HECTD4: variants seen among roughly 807,000 people sequenced by gnomAD.
HECTD4 encodes HECT domain E3 ubiquitin protein ligase 4.
A neutral mutation model predicts 471.5 loss-of-function variants in HECTD4; 114 were observed. That is an observed-to-expected ratio of 0.24 (90% CI 0.21 to 0.28). The LOEUF is 0.28. Among genes scored for constraint, HECTD4 ranks in the 10% least tolerant of loss-of-function variants. The pLI is 1.00. For missense variants in HECTD4, 3,866 were observed against 5,651.5 expected, an observed-to-expected ratio of 0.68 and a Z score of 10.13; for synonymous variants, 2,012 against 2,256.0, an observed-to-expected ratio of 0.89 and a Z score of 3.07.
chr12:112,375,231 C>T (rs770170346), intron 1 of HECTD4, among the ~76,000 whole-genome samples: 1 of 152,184 alleles, frequency 6.6e-6, no homozygotes, highest in Non-Finnish European at 1.5e-5. Flanking sequence ...ACGGTTCATT[C>T]GTTTTTGTTG....
intron 45 of HECTD4, among the ~76,000 whole-genome samples, chr12:112,218,322 G>A (rs1340378479): frequency 2.6e-5 from 4 of 152,036 alleles, no homozygotes; most frequent in African/African-American, 9.7e-5. Flanking sequence ...AACCATTATC[G>A]TGATCTAATT....
At chr12:112,183,994 G>A (rs1397957338) in intron 61 of HECTD4, among the ~76,000 whole-genome samples, 193 bp downstream of exon 61, 3 of 152,182 alleles carry the variant, frequency 2.0e-5, no homozygotes, top group Non-Finnish European at 2.9e-5. Flanking sequence ...CCTTTACTTC[G>A]TGATATGGGA....
chr12:112,221,877 C>G (rs1434744400), intron 44 of HECTD4, among the ~76,000 whole-genome samples: 1 of 151,476 alleles, frequency 6.6e-6, no homozygotes, highest in Non-Finnish European at 1.5e-5. Flanking sequence ...GCCTCAGCCT[C>G]CTGAGTAGCT....
chr12:112,276,416 G>A (rs2034527909), intron 9 of HECTD4, among the ~76,000 whole-genome samples: 1 of 152,044 alleles, frequency 6.6e-6, no homozygotes, highest in Admixed American at 6.6e-5. Flanking sequence ...AAAGACTGAT[G>A]GTCAATAACA....
intron 66 of HECTD4, among the ~76,000 whole-genome samples, chr12:112,175,252 G>T (rs2031393876): frequency 6.6e-6 from 1 of 152,220 alleles, no homozygotes; most frequent in African/African-American, 2.4e-5. Flanking sequence ...CAGGTTAAAA[G>T]AGGTCATCAG....
chr12:112,185,119 C>T lies in HECTD4; in HGVS notation c.9847G>A (p.Ala3283Thr). 6.4e-7 allele frequency: 1 copy of T among 1,559,342 alleles called. No individual in the cohort carries two copies. ...MSVTASGVTS[A>T]TAPNLSDSSS... ...GAGTCACTGAGATTTGGGGCGGTCG[C>T]TGAGGTCACCCCACTGGCTGTGACA... Residue 3283 changes from alanine to threonine, a missense_variant, in exon 61 of 76, where the codon GCG becomes ACG. Around this residue, in one of 16 missense-constraint regions of HECTD4, gnomAD observed 38 missense variants for 72.1 expected, o/e 0.53. Transcript: ENST00000682272.
chr12:112,343,958 A>C (rs945506700), intron 1 of HECTD4, among the ~76,000 whole-genome samples: 9 of 152,240 alleles, frequency 5.9e-5, no homozygotes, highest in Non-Finnish European at 1.0e-4. Context: ...GTTTTTAAAA[A>C]GACAATACTG....
chr12:112,344,928 AAAGAGAAGAG>A (rs567949686), intron 1 of HECTD4, among the ~76,000 whole-genome samples: 9 of 151,934 alleles, frequency 5.9e-5, no homozygotes, highest in African/African-American at 1.7e-4. Flanking sequence ...CAAAAAAAGA[AAAGAGAAGAG>A]AAGAGAAGAG....
Position 112,213,985 on chromosome 12 carries a change from G to A in HECTD4, c.7466-1335C>T, listed in dbSNP as rs1799268845. Among the ~76,000 whole-genome samples, 1 of 151,652 alleles carries A rather than the reference G, an allele frequency of 6.6e-6. No homozygotes were observed. Among genetic ancestry groups the A allele is most frequent in the African/African-American group, 2.4e-5 (1 of 41,276 alleles). On this transcript the variant is annotated intron_variant, in intron 48 of 75. Coordinates refer to ENST00000682272, the MANE Select transcript of HECTD4 (RefSeq NM_001388303.1). The surrounding 1 kb of genome is among the most constrained non-coding windows in gnomAD (Gnocchi z 4.0). Reference sequence around the variant, plus strand: ...TGCAGTGAGCTGTGATTGCACCACTGCACTCTAGCCTGGGTGACAGAGTGA... The same window carrying A: ...TGCAGTGAGCTGTGATTGCACCACTACACTCTAGCCTGGGTGACAGAGTGA...
chr12:112,341,471 C>T (rs1459468290), intron 1 of HECTD4, among the ~76,000 whole-genome samples: 1 of 152,204 alleles, frequency 6.6e-6, no homozygotes, highest in East Asian at 1.9e-4. Context: ...CACTAAGTCC[C>T]TCTAAGAAAC....
intron 15 of HECTD4, 43 bp downstream of exon 15, chr12:112,265,835 T>G: frequency 1.3e-5 from 19 of 1,423,644 alleles, no homozygotes; most frequent in Non-Finnish European, 1.6e-5. Flanking sequence ...AACTAACGAC[T>G]GAGAACACAA....
At chr12:112,192,516 A>G (rs2032113678) in intron 59 of HECTD4, 44 bp downstream of exon 59, 9 of 1,367,814 alleles carry the variant, frequency 6.6e-6, no homozygotes, top group Non-Finnish European at 7.8e-6. Flanking sequence ...CAAGAGGAGA[A>G]TGACTCCAGC....
intron 1 of HECTD4, among the ~76,000 whole-genome samples, chr12:112,380,369 C>T (rs1275000598): frequency 5.3e-5 from 8 of 151,708 alleles, no homozygotes; most frequent in African/African-American, 1.5e-4. Flanking sequence ...CGTTTGAATC[C>T]GGGAGGCAGA....
chr12:112,236,794 CTT>C (rs2033516220), intron 35 of HECTD4, 149 bp downstream of exon 35: 4 of 650,644 alleles, frequency 6.1e-6, no homozygotes, highest in Non-Finnish European at 9.6e-6. Context: ...GTTTCAATGA[CTT>C]TATCCTCCAT....
chr12:112,252,099 G>A (rs141414632), intron 23 of HECTD4, among the ~76,000 whole-genome samples: 2 of 152,208 alleles, frequency 1.3e-5, no homozygotes, highest in Non-Finnish European at 2.9e-5. Flanking sequence ...TAAAACCCAG[G>A]ATCTAAGTGC....
intron 7 of HECTD4, among the ~76,000 whole-genome samples, chr12:112,288,609 A>G (rs2034808441): frequency 6.6e-6 from 1 of 152,206 alleles, no homozygotes; most frequent in African/African-American, 2.4e-5. Flanking sequence ...AGCCTGGGCC[A>G]TAGAGCAACA....
At chr12:112,299,200 C>T (rs903720666) in intron 7 of HECTD4, among the ~76,000 whole-genome samples, 13 of 151,852 alleles carry the variant, frequency 8.6e-5, no homozygotes, top group Non-Finnish European at 1.8e-4. Context: ...TTCTTTTTTG[C>T]TCAACTATTT....
At chr12:112,281,622 C>T (rs2034642733) in intron 8 of HECTD4, among the ~76,000 whole-genome samples, 1 of 152,140 alleles carries the variant, frequency 6.6e-6, no homozygotes, top group African/African-American at 2.4e-5. Context: ...ATCATAAAAA[C>T]TATTAACAAT....
intron 59 of HECTD4, 151 bp downstream of exon 59, chr12:112,192,409 C>G (rs764325385): frequency 9.0e-6 from 5 of 555,950 alleles, no homozygotes; most frequent in Non-Finnish European, 1.5e-5. Context: ...CTAAAAGAAG[C>G]AGCAGTTTCT....
Sources: gnomAD v4.1 joint callset for allele counts (sites outside exome capture counted in the v4.1 genomes callset) on GRCh38, gnomAD v4.1.1 for gene constraint, gnomAD v4.1.1 regional missense constraint, Gnocchi (gnomAD v3.1) non-coding constraint, MANE v1.5 for transcripts, NCBI Gene and HGNC (gene_info 2026-07-23, HGNC 2026-07-21) for gene names.